ANK3: variants seen among roughly 807,000 people sequenced by gnomAD.
ANK3 encodes the protein ankyrin-3.
Under a neutral mutation model 370.9 loss-of-function variants are expected in ANK3, and 57 were observed. The ratio of observed to expected loss-of-function variants is 0.15; its 90% CI spans 0.12 to 0.19. The LOEUF (loss-of-function observed/expected upper bound fraction) is 0.19. ANK3 is among the 10% of genes least tolerant of loss of function. The pLI, the probability that ANK3 is intolerant of heterozygous loss-of-function variation, is 1.00. For missense variants in ANK3, 4,439 were observed against 5,302.1 expected, an observed-to-expected ratio of 0.84 and a Z score of 5.06; for synonymous variants, 1,929 against 1,946.3, an observed-to-expected ratio of 0.99 and a Z score of 0.23.
chr10:60,038,991 TAA>T (rs2075632216), intron 43 of ANK3, among the ~76,000 whole-genome samples: 1 of 152,260 alleles, frequency 6.6e-6, no homozygotes, highest in Non-Finnish European at 1.5e-5. Flanking sequence ...CCCCAAAGTC[TAA>T]GTACATTCTT....
At chr10:60,271,256 G>T (rs1365203831) in intron 4 of ANK3, among the ~76,000 whole-genome samples, 1 of 151,970 alleles carries the variant, frequency 6.6e-6, no homozygotes, top group African/African-American at 2.4e-5. Context: ...AACAAATGGA[G>T]TGCCGGGGTA....
upstream of ANK3, among the ~76,000 whole-genome samples, chr10:60,390,712 G>GACCT (rs1276631752): frequency 1.4e-5 from 2 of 139,480 alleles, no homozygotes; most frequent in Admixed American, 1.5e-4. Context: ...AAACATATGA[G>GACCT]ACCTAGTAAA....
chr10:60,643,975 T>G (rs1169936026), intron 1 of ANK3, among the ~76,000 whole-genome samples: 1 of 152,196 alleles, frequency 6.6e-6, no homozygotes, highest in Non-Finnish European at 1.5e-5. Flanking sequence ...TCCCCAGCCC[T>G]GTATGCCTAA....
intron 43 of ANK3, among the ~76,000 whole-genome samples, chr10:60,040,490 C>T (rs1377827689): frequency 6.6e-6 from 1 of 152,182 alleles, no homozygotes; most frequent in Non-Finnish European, 1.5e-5. Context: ...TTCTTTCAAT[C>T]TGACACATTG....
chr10:60,631,881 A>T (rs1345851293), intron 1 of ANK3, among the ~76,000 whole-genome samples: 1 of 152,226 alleles, frequency 6.6e-6, no homozygotes, highest in Non-Finnish European at 1.5e-5. Flanking sequence ...ATCTTGGAGT[A>T]TTTAACTATT....
At chr10:60,209,726 A>G (rs1384247834) in intron 9 of ANK3, among the ~76,000 whole-genome samples, 1 of 152,230 alleles carries the variant, frequency 6.6e-6, no homozygotes, top group Admixed American at 6.5e-5. Flanking sequence ...ATTCCTGCCA[A>G]AATATTCTTT....
chr10:60,725,068 G>A (rs2079922240), intron 1 of ANK3, among the ~76,000 whole-genome samples: 1 of 152,132 alleles, frequency 6.6e-6, no homozygotes, highest in African/African-American at 2.4e-5. Flanking sequence ...GTATCTTTAT[G>A]TAAGATGTAC....
intron 2 of ANK3, among the ~76,000 whole-genome samples, chr10:60,414,254 G>A (rs1567020786): frequency 6.6e-6 from 1 of 152,080 alleles, no homozygotes; most frequent in African/African-American, 2.4e-5. Context: ...ATTCAATCCT[G>A]TTCCCAGCAA....
At chr10:60,301,213 ATG>A (rs2043662458) in intron 1 of ANK3, among the ~76,000 whole-genome samples, 1 of 146,264 alleles carries the variant, frequency 6.8e-6, no homozygotes. Flanking sequence ...TATACTATAT[ATG>A]TATGTATGTA....
chr10:60,517,419 A>C (rs769327726), intron 2 of ANK3, among the ~76,000 whole-genome samples: 9 of 152,042 alleles, frequency 5.9e-5, no homozygotes, highest in African/African-American at 1.7e-4. Context: ...AAATGAGATT[A>C]CCCATCTATG....
chr10:60,383,126 G>C (rs547215652), intron 1 of ANK3, among the ~76,000 whole-genome samples: 1 of 152,130 alleles, frequency 6.6e-6, no homozygotes, highest in African/African-American at 2.4e-5. Context: ...TTGGTTCCAA[G>C]ACCAGGTATT....
intron 21 of ANK3, among the ~76,000 whole-genome samples, chr10:60,169,900 A>C (rs963242985): frequency 1.4e-4 from 22 of 152,046 alleles, no homozygotes; most frequent in Non-Finnish European, 2.8e-4. Context: ...CCTCTGTATT[A>C]GTTTATTTAC....
At chr10:60,567,768 G>A (rs149953313) in intron 2 of ANK3, among the ~76,000 whole-genome samples, 1,866 of 152,310 alleles carry the variant, frequency 0.012, 20 homozygotes, top group Middle Eastern at 0.02. Flanking sequence ...TTCTTGGGAG[G>A]AGGTCAAAAT....
intron 2 of ANK3, among the ~76,000 whole-genome samples, chr10:60,429,032 T>C (rs751774878): frequency 6.6e-6 from 1 of 152,138 alleles, no homozygotes; most frequent in African/African-American, 2.4e-5. Context: ...AAGTTCAGTG[T>C]TAAAATCTAG....
chr10:60,634,740 C>T (rs1342435799), intron 1 of ANK3, among the ~76,000 whole-genome samples: 1 of 152,144 alleles, frequency 6.6e-6, no homozygotes, highest in African/African-American at 2.4e-5. Flanking sequence ...CTGTAACACT[C>T]ACCGAGAAGG....
intron 2 of ANK3, among the ~76,000 whole-genome samples, chr10:60,512,313 C>T (rs2076106089): frequency 6.6e-6 from 1 of 152,054 alleles, no homozygotes; most frequent in African/African-American, 2.4e-5. Flanking sequence ...CTTTTACCCC[C>T]TGCATCAAAC....
intron 2 of ANK3, among the ~76,000 whole-genome samples, chr10:60,613,765 A>AG (rs2078231746): frequency 6.6e-6 from 1 of 151,866 alleles, no homozygotes; most frequent in Non-Finnish European, 1.5e-5. Flanking sequence ...AAAACAAAAA[A>AG]AAAAATCATT....
At chr10:60,339,355 C>T (rs10821727) in intron 1 of ANK3, among the ~76,000 whole-genome samples, 105,671 of 151,974 alleles carry the variant, frequency 0.7, 37,972 homozygotes, top group South Asian at 0.91. Flanking sequence ...GGATACCATA[C>T]GATAATACCT....
intron 43 of ANK3, among the ~76,000 whole-genome samples, chr10:60,037,211 C>G (rs916693937): frequency 2.6e-5 from 4 of 152,096 alleles, no homozygotes; most frequent in Admixed American, 2.0e-4. Flanking sequence ...TCATTTTATT[C>G]TTGTCCCCCT....
Sources: gnomAD v4.1 joint callset for allele counts (sites outside exome capture counted in the v4.1 genomes callset) on GRCh38, gnomAD v4.1.1 for gene constraint, MANE v1.5 for transcripts, NCBI Gene and HGNC (gene_info 2026-07-23, HGNC 2026-07-21) for gene names.